SLC1A7: variants seen among roughly 807,000 people sequenced by gnomAD.
SLC1A7 encodes excitatory amino acid transporter 5.
A neutral mutation model predicts 47.7 loss-of-function variants in SLC1A7; 40 were observed. The ratio of observed to expected loss-of-function variants is 0.84; its 90% confidence interval spans 0.65 to 1.09. The LOEUF (loss-of-function observed/expected upper bound fraction) is 1.09. SLC1A7 is among the 50% of genes least tolerant of loss of function. SLC1A7 has a pLI of 0.00. For missense variants in SLC1A7, 746 were observed against 769.5 expected, an observed-to-expected ratio of 0.97 and a Z score of 0.36; for synonymous variants, 323 against 325.6, an observed-to-expected ratio of 0.99 and a Z score of 0.09.
At chr1:53,100,381 GGTACACTCACACACCCCGCCTCA>G (rs1644559594) in intron 5 of SLC1A7, among the ~76,000 whole-genome samples, 1 of 148,056 alleles carries the variant, frequency 6.8e-6, no homozygotes, top group African/African-American at 2.5e-5. Context: ...GCCCCACCTC[GGTACACTCACACACCCCGCCTCA>G]GTACACTCAC....
intron 2 of SLC1A7, chr1:53,118,385 A>G (rs958683943): frequency 2.0e-5 from 3 of 152,200 alleles, no homozygotes; most frequent in South Asian, 4.1e-4. Context: ...CACATTCTCT[A>G]TTCTTTCTAG....
chr1:53,109,368 G>A (rs1644678472), intron 3 of SLC1A7, among the ~76,000 whole-genome samples: 1 of 152,174 alleles, frequency 6.6e-6, no homozygotes, highest in Non-Finnish European at 1.5e-5. Flanking sequence ...AAGAGAAGGG[G>A]CCAGACCTGA....
At chr1:53,111,663 C>T (rs1290214436) in intron 3 of SLC1A7, among the ~76,000 whole-genome samples, 5 of 152,144 alleles carry the variant, frequency 3.3e-5, no homozygotes, top group African/African-American at 1.2e-4. Context: ...GAGAAAAGGG[C>T]AGATTTATGG....
Position 53,103,423 on chromosome 1 carries a change from T to A in SLC1A7, c.620A>T (p.Glu207Val). ...NFALDLTPPP[E>V]VVYKSEPGTS... ...GCCCGGCTCTGACTTGTAAACGACC[T>A]CGGGCGGCGGGGTCAGGTCCAGGGC... The change falls in exon 5 of 11, where the codon GAG becomes GTG. Residue 207 changes from glutamate to valine, a missense_variant. Physicochemically the swap from Glu to Val is moderately radical, Grantham distance 121. Transcript: ENST00000371494. 6.2e-7 allele frequency: 1 copy of A among 1,611,910 alleles called. No individual in the cohort carries two copies. The highest frequency in any genetic ancestry group is 8.5e-7 in the Non-Finnish European group (1 of 1,179,412).
chr1:53,088,194 G>A lies in SLC1A7; in HGVS notation c.1498C>T (p.Leu500Phe). 1 of 1,612,446 alleles carries A rather than the reference G, an allele frequency of 6.2e-7. No homozygotes were observed. The highest frequency in any genetic ancestry group is 8.5e-7 in the Non-Finnish European group (1 of 1,179,076). Residue 500 changes from leucine (L) to phenylalanine (F), a missense_variant, in exon 11 of 11, where the codon CTC (leucine) becomes TTC (phenylalanine). Leu to Phe is a conservative substitution (Grantham distance 22). Transcript: ENST00000371494. ...TGCTGGGCTGCCACGATCTCCTGGAGGCTCACTGGCTTGGTCTCGCAGGGC... is the reference window on the plus strand; with the variant it reads ...TGCTGGGCTGCCACGATCTCCTGGAAGCTCACTGGCTTGGTCTCGCAGGGC... ...LLPCETKPVS[L>F]QEIVAAQQNG...
chr1:53,117,790 A>G (rs1644777601), intron 2 of SLC1A7, among the ~76,000 whole-genome samples: 1 of 152,230 alleles, frequency 6.6e-6, no homozygotes, highest in Non-Finnish European at 1.5e-5. Context: ...GCGCCAACTC[A>G]GGGACAGATT....
chr1:53,134,613 G>A (rs1644972887), intron 1 of SLC1A7, among the ~76,000 whole-genome samples, 184 bp from the exon 2 acceptor site: 1 of 152,036 alleles, frequency 6.6e-6, no homozygotes, highest in African/African-American at 2.4e-5. Context: ...TAAACACCCC[G>A]CCTCCACCAA....
At chr1:53,114,457 G>T in intron 3 of SLC1A7, 1 of 424,912 alleles carries the variant, frequency 2.4e-6, no homozygotes, top group South Asian at 3.9e-5. Context: ...AAAGGGAGGG[G>T]CCAATAACAG....
At chr1:53,113,924 C>T (rs1470585505) in intron 3 of SLC1A7, among the ~76,000 whole-genome samples, 1 of 152,134 alleles carries the variant, frequency 6.6e-6, no homozygotes, top group African/African-American at 2.4e-5. Flanking sequence ...CCCAGGCCTG[C>T]CCTCCCTGCC....
At chr1:53,097,662 C>T (rs543146370) in intron 5 of SLC1A7, among the ~76,000 whole-genome samples, 23 of 149,184 alleles carry the variant, frequency 1.5e-4, no homozygotes, top group African/African-American at 4.2e-4. Context: ...ACACATCCCA[C>T]CTCAGTACAC....
intron 5 of SLC1A7, 76 bp downstream of exon 5, chr1:53,103,270 A>T (rs1644603471): frequency 3.8e-6 from 4 of 1,048,256 alleles, no homozygotes; most frequent in Non-Finnish European, 5.6e-6. Context: ...CCTCAGTAAG[A>T]GGTGGAGGAG....
At chr1:53,119,702 C>A (rs1644799076) in intron 2 of SLC1A7, among the ~76,000 whole-genome samples, 1 of 152,134 alleles carries the variant, frequency 6.6e-6, no homozygotes, top group Non-Finnish European at 1.5e-5. Context: ...TTAGTTCAAT[C>A]TCGGAGTTCA....
At chr1:53,104,073 C>G (rs1035853906) in intron 4 of SLC1A7, among the ~76,000 whole-genome samples, 1 of 152,204 alleles carries the variant, frequency 6.6e-6, no homozygotes, top group Non-Finnish European at 1.5e-5. Context: ...ACCTTTCCCT[C>G]TCTGCCCCCA....
In SLC1A7 at chr1:53,090,724, C is replaced by G; in HGVS notation, c.1114G>C (p.Val372Leu). ...CCGTCCATGTTGATGGTGGCACCCA[C>G]GGGCAGCACGAAGCGAGCGATGCGC... The part of the protein sequence containing the change: ...DRRIARFVLP[V>L]GATINMDGTA... Residue 372 changes from valine to leucine, a missense_variant, in exon 8 of 11, where the codon GTG becomes CTG. By Grantham distance (32) the Val-to-Leu change is conservative (BLOSUM62 1). Transcript: ENST00000371494. The G allele has an allele frequency of 6.2e-7, 1 of 1,614,036 alleles. No homozygotes were observed. Among genetic ancestry groups the G allele is most frequent in the Non-Finnish European group, 8.5e-7 (1 of 1,179,970 alleles).
chr1:53,104,426 G>A (rs1192018641), intron 4 of SLC1A7, among the ~76,000 whole-genome samples: 1 of 152,208 alleles, frequency 6.6e-6, no homozygotes, highest in East Asian at 1.9e-4. Flanking sequence ...TCTGCCTTGC[G>A]GAGGGAGTGA....
intron 2 of SLC1A7, among the ~76,000 whole-genome samples, chr1:53,123,954 C>T (rs752676506): frequency 2.0e-5 from 3 of 152,244 alleles, no homozygotes; most frequent in Admixed American, 1.3e-4. Flanking sequence ...CAGGCTGTAC[C>T]GGTTTGGCCC....
chr1:53,139,208 T>C (rs559001925), intron 1 of SLC1A7, among the ~76,000 whole-genome samples: 186 of 152,292 alleles, frequency 1.2e-3, no homozygotes, highest in African/African-American at 4.3e-3. Context: ...GCTTTTTCAC[T>C]GGGGCTGGGT....
chr1:53,105,593 C>T (rs1278002598), intron 4 of SLC1A7, 139 bp downstream of exon 4: 12 of 759,502 alleles, frequency 1.6e-5, no homozygotes, highest in Non-Finnish European at 2.6e-5. Flanking sequence ...AGCGTACCCT[C>T]CCCTCTAGCA....
At chr1:53,116,158 C>G (rs757062732) in intron 2 of SLC1A7, 5 of 152,338 alleles carry the variant, frequency 3.3e-5, no homozygotes, top group African/African-American at 4.8e-5. Context: ...AACACCGGCC[C>G]CCTCCCCCAG....
Sources: gnomAD v4.1 joint callset for allele counts (sites outside exome capture counted in the v4.1 genomes callset) on GRCh38, gnomAD v4.1.1 for gene constraint, MANE v1.5 for transcripts, NCBI Gene and HGNC (gene_info 2026-07-23, HGNC 2026-07-21) for gene names.